Variants in ARL13B observed in about 807,000 individuals in gnomAD.
ARL13B encodes ARF like GTPase 13B, also known as ADP-ribosylation factor-like protein 13B.
Under a neutral mutation model 56.1 loss-of-function variants are expected in ARL13B, and 36 were observed. That is an observed-to-expected ratio of 0.64 (90% CI 0.49 to 0.85). The LOEUF is 0.85. Ranked by LOEUF, ARL13B falls within the 40% of genes least tolerant of loss-of-function variation. ARL13B has a pLI of 0.00. For synonymous variants in ARL13B, 178 were observed against 171.1 expected (o/e 1.04, Z -0.32); for missense variants, 519 against 507.1 (o/e 1.02, Z -0.23).
At position 94,055,222 on chromosome 3, in the gene ARL13B, C is replaced by A. The variant is rs1048071582; in HGVS notation, c.*1959C>A. ...AATGCCTATTTTGTTATATGTTATA[C>A]TTTTATTCTTAATTCTGAATTTTGA... On this transcript the variant is annotated 3_prime_UTR_variant, in exon 10 of 10. Transcript: ENST00000394222. 4 of 411,166 alleles carry A rather than the reference C, an allele frequency of 9.7e-6. No individual in the cohort carries two copies. Among genetic ancestry groups the A allele is most frequent in the Non-Finnish European group, 1.9e-5 (4 of 211,964 alleles). 25.5% of individuals were successfully genotyped at this position (411,166 alleles called of 1,614,324 possible).
intron 3 of ARL13B, chr3:94,014,727 ATCT>A: frequency 1.2e-6 from 2 of 1,613,056 alleles, no homozygotes; most frequent in Non-Finnish European, 1.7e-6. Context: ...TATCATTTAC[ATCT>A]TCTTCAGACA....
chr3:93,982,777 A>G (rs972061493), intron 1 of ARL13B, among the ~76,000 whole-genome samples: 2 of 152,190 alleles, frequency 1.3e-5, no homozygotes, highest in African/African-American at 2.4e-5. Flanking sequence ...CTGATTTATA[A>G]TAGTGGCTGA....
At chr3:94,015,263 C>A (rs1157493853) in intron 3 of ARL13B, 1 of 1,533,290 alleles carries the variant, frequency 6.5e-7, no homozygotes, top group Non-Finnish European at 8.7e-7. Context: ...TGAAGTCGGT[C>A]TTTCATCTTC....
intron 3 of ARL13B, among the ~76,000 whole-genome samples, chr3:94,022,241 T>C (rs2107010231): frequency 6.6e-6 from 1 of 152,210 alleles, no homozygotes; most frequent in Middle Eastern, 3.4e-3. Context: ...TCTCCTTGCC[T>C]CAGCCTCCTG....
At chr3:93,999,699 T>C (rs2076022918) in intron 2 of ARL13B, among the ~76,000 whole-genome samples, 1 of 152,196 alleles carries the variant, frequency 6.6e-6, no homozygotes. Flanking sequence ...CTTCTTAATA[T>C]AAAAGTAACA....
At position 94,054,370 on chromosome 3, in the gene ARL13B, C is replaced by T; in HGVS notation, c.*1107C>T. 1 of 427,360 alleles carries T rather than the reference C, an allele frequency of 2.3e-6. No homozygotes were observed. Among genetic ancestry groups the T allele is most frequent in the Non-Finnish European group, 4.6e-6 (1 of 215,808 alleles). The allele number at this position is 427,360 out of a possible 1,614,324, so 26.5% of individuals were successfully genotyped here. A position where few individuals can be genotyped will look rare whatever the true frequency, so the allele number is the denominator to read the frequency against. ...ATAATTTCTTAATTTAAAATGATAG[C>T]ACTTCTCTTGCACTTAAGAATGGCA... On this transcript the variant is annotated 3_prime_UTR_variant, in exon 10 of 10. Transcript: ENST00000394222.
chr3:94,018,802 G>T (rs567996945), intron 3 of ARL13B, among the ~76,000 whole-genome samples: 1 of 152,096 alleles, frequency 6.6e-6, no homozygotes, highest in East Asian at 1.9e-4. Context: ...GTCTCACTCT[G>T]TCCCCTAGGC....
At chr3:94,007,300 G>C (rs1301398012) in intron 3 of ARL13B, among the ~76,000 whole-genome samples, 1 of 152,144 alleles carries the variant, frequency 6.6e-6, no homozygotes, top group Non-Finnish European at 1.5e-5. Flanking sequence ...TTATTTGTGG[G>C]AAGTAGAGTG....
intron 1 of ARL13B, among the ~76,000 whole-genome samples, chr3:93,986,297 C>T (rs1223928510): frequency 6.6e-6 from 1 of 152,140 alleles, no homozygotes; most frequent in Admixed American, 6.5e-5. Context: ...GCTTGGCCTT[C>T]TCACTATTTA....
At chr3:93,984,189 C>T (rs147580174) in intron 1 of ARL13B, among the ~76,000 whole-genome samples, 1 of 152,210 alleles carries the variant, frequency 6.6e-6, no homozygotes, top group East Asian at 1.9e-4. Flanking sequence ...AACCCTGTCT[C>T]TACTAAAAAT....
intron 3 of ARL13B, among the ~76,000 whole-genome samples, chr3:94,009,254 A>G (rs916940477): frequency 2.0e-5 from 3 of 151,950 alleles, no homozygotes; most frequent in Non-Finnish European, 2.9e-5. Flanking sequence ...AAGATTAAAA[A>G]CCCTGTCAGT....
chr3:94,026,939 G>A, intron 3 of ARL13B, among the ~76,000 whole-genome samples: 1 of 152,080 alleles, frequency 6.6e-6, no homozygotes, highest in East Asian at 1.9e-4. Flanking sequence ...AAGTAAACTG[G>A]TGCGACTCAA....
intron 1 of ARL13B, among the ~76,000 whole-genome samples, chr3:93,986,972 TA>T (rs930434425): frequency 3.3e-5 from 5 of 149,988 alleles, no homozygotes; most frequent in Admixed American, 6.7e-5. Context: ...ACTCCGTCTC[TA>T]AAAAAAAAGG....
At chr3:94,022,153 C>T (rs980663829) in intron 3 of ARL13B, among the ~76,000 whole-genome samples, 1 of 151,864 alleles carries the variant, frequency 6.6e-6, no homozygotes, top group Admixed American at 6.6e-5. Flanking sequence ...GACAGAGTTT[C>T]GCTGTTGTCA....
In ARL13B at chr3:93,984,224, TG is replaced by T. The variant is rs1710346196; in HGVS notation, c.59+3745del. 2.0e-5 allele frequency among the ~76,000 whole-genome samples: 3 copies of T among 151,894 alleles called. No individual in the cohort carries two copies. The East Asian group carries it at 5.9e-4, about 30-fold the overall frequency. On this transcript the variant is annotated intron_variant, in intron 1 of 9. Coordinates refer to ENST00000394222, the MANE Select transcript of ARL13B (RefSeq NM_001174150.2). ...TACAGAAATTAGCTGGGTGTGGTGG[TG>T]GGCACCTGCAATACCAGCTACTTGG...
chr3:94,040,040 T>G (rs1213333992), intron 6 of ARL13B, 52 bp downstream of exon 6: 1 of 1,528,196 alleles, frequency 6.5e-7, no homozygotes, highest in East Asian at 2.3e-5. Context: ...AAGTTGGAAC[T>G]TGGAAAAGAA....
intron 5 of ARL13B, among the ~76,000 whole-genome samples, chr3:94,038,617 A>G (rs548668162): frequency 2.2e-5 from 3 of 137,502 alleles, no homozygotes; most frequent in South Asian, 4.5e-4. Context: ...TCCGTCTCCC[A>G]GGTTCAAGCG....
intron 2 of ARL13B, among the ~76,000 whole-genome samples, chr3:94,000,666 A>G (rs1430246056): frequency 6.6e-6 from 1 of 152,014 alleles, no homozygotes; most frequent in Non-Finnish European, 1.5e-5. Flanking sequence ...TTTCCCCAAT[A>G]GACTAAGAGC....
Position 94,052,953 on chromosome 3 carries a change from AG to A in ARL13B, c.1211-232del, listed in dbSNP as rs367620725. ...TGTGATTAATGCATGTGTGGATTGA[AG>A]GCAAAAGGAATAGAGTATAATTTGG... On this transcript the variant is annotated intron_variant, in intron 9 of 9. Transcript: ENST00000394222. Among the ~76,000 whole-genome samples the A allele has an allele frequency of 3.2e-3, 482 of 152,192 alleles. No homozygotes were observed. Among genetic ancestry groups the A allele is most frequent in the African/African-American group, 0.011 (462 of 41,526 alleles).
Sources: gnomAD v4.1 joint callset for allele counts (sites outside exome capture counted in the v4.1 genomes callset) on GRCh38, gnomAD v4.1.1 for gene constraint, MANE v1.5 for transcripts, NCBI Gene and HGNC (gene_info 2026-07-23, HGNC 2026-07-21) for gene names.